The following NRXN1 variants were observed in gnomAD, a reference collection of about 807,000 sequenced individuals.
The protein encoded by NRXN1 is neurexin-1.
A neutral mutation model predicts 150.9 loss-of-function variants in NRXN1; 39 were observed. The ratio of observed to expected loss-of-function variants is 0.26; its 90% confidence interval spans 0.20 to 0.34. The LOEUF (loss-of-function observed/expected upper bound fraction) is 0.34. Ranked by LOEUF, NRXN1 falls within the 10% of genes least tolerant of loss-of-function variation. The pLI is 1.00. For synonymous variants in NRXN1, 924 were observed against 757.0 expected, an observed-to-expected ratio of 1.22 and a Z score of -3.62; for missense variants, 1,815 against 1,949.9, an observed-to-expected ratio of 0.93 and a Z score of 1.30.
At chr2:50,237,254 G>A (rs1559146876) in intron 17 of NRXN1, among the ~76,000 whole-genome samples, 1 of 152,042 alleles carries the variant, frequency 6.6e-6, no homozygotes, top group Non-Finnish European at 1.5e-5. Context: ...AGAACGGAAT[G>A]TAATGAGGCA....
intron 5 of NRXN1, among the ~76,000 whole-genome samples, chr2:50,698,357 A>T (rs966338469): frequency 6.6e-6 from 1 of 152,238 alleles, no homozygotes; most frequent in Non-Finnish European, 1.5e-5. Context: ...ATCACAAAAG[A>T]TTGCCTGCAG....
chr2:50,540,876 G>A (rs925651778), intron 9 of NRXN1, among the ~76,000 whole-genome samples: 3 of 152,100 alleles, frequency 2.0e-5, no homozygotes, highest in Non-Finnish European at 2.9e-5. Flanking sequence ...TGGCCAGGTT[G>A]GTCTTGAATT....
intron 2 of NRXN1, among the ~76,000 whole-genome samples, chr2:50,990,589 T>A (rs1451803893): frequency 6.6e-6 from 1 of 152,070 alleles, no homozygotes; most frequent in Admixed American, 6.6e-5. Flanking sequence ...GGTTCTGTCA[T>A]CAGGTGTAGA....
chr2:50,824,524 G>T (rs969559575), intron 5 of NRXN1, among the ~76,000 whole-genome samples: 1 of 152,186 alleles, frequency 6.6e-6, no homozygotes, highest in South Asian at 2.1e-4. Context: ...TAAAACTCTA[G>T]TATGTATTTG....
chr2:50,613,511 T>G (rs765284371), intron 8 of NRXN1, among the ~76,000 whole-genome samples: 1 of 152,240 alleles, frequency 6.6e-6, no homozygotes, highest in Non-Finnish European at 1.5e-5. Flanking sequence ...GTAGCCACAG[T>G]CAGTCCACTG....
intron 17 of NRXN1, among the ~76,000 whole-genome samples, chr2:50,279,969 G>C (rs976784159): frequency 2.6e-5 from 4 of 152,078 alleles, no homozygotes; most frequent in African/African-American, 7.2e-5. Flanking sequence ...TTAAGAAAAA[G>C]TATTCTATTA....
At chr2:49,926,237 A>C in intron 22 of NRXN1, 2 of 397,790 alleles carry the variant, frequency 5.0e-6, no homozygotes, top group East Asian at 7.1e-5. Flanking sequence ...TCATTTAGCC[A>C]AATGGCTATA....
chr2:51,020,473 A>T (rs1669433495), intron 2 of NRXN1, among the ~76,000 whole-genome samples: 1 of 151,984 alleles, frequency 6.6e-6, no homozygotes, highest in African/African-American at 2.4e-5. Flanking sequence ...AAATACATTT[A>T]AAATGACCCC....
chr2:50,240,547 G>A (rs1008234977), intron 17 of NRXN1, among the ~76,000 whole-genome samples: 1 of 151,660 alleles, frequency 6.6e-6, no homozygotes, highest in Non-Finnish European at 1.5e-5. Context: ...ATGGCTTAAA[G>A]TTTCAAAATC....
intron 5 of NRXN1, among the ~76,000 whole-genome samples, chr2:50,661,513 C>T (rs1169431025): frequency 6.6e-6 from 1 of 152,062 alleles, no homozygotes; most frequent in Non-Finnish European, 1.5e-5. Flanking sequence ...TAATGGCTTC[C>T]ACTTTTCCTT....
Position 50,167,971 on chromosome 2 carries a change from G to C in NRXN1, c.3546+68818C>G, listed in dbSNP as rs535814603. Among the ~76,000 whole-genome samples the C allele has an allele frequency of 2.0e-5, 3 of 152,094 alleles. No individual in the cohort carries two copies. In the East Asian group the frequency reaches 5.8e-4, roughly 29 times the overall value. On this transcript the variant is annotated intron_variant, in intron 18 of 22. Coordinates refer to ENST00000401669, the MANE Select transcript of NRXN1 (RefSeq NM_001330078.2). ...TGAAGTAAAATATCCATGCATATTTGCTCTGAAATAAAAATGTTACAGAAC... is the reference window on the plus strand; with the variant it reads ...TGAAGTAAAATATCCATGCATATTTCCTCTGAAATAAAAATGTTACAGAAC...
At chr2:50,736,118 G>A (rs760397732) in intron 5 of NRXN1, among the ~76,000 whole-genome samples, 2 of 152,028 alleles carry the variant, frequency 1.3e-5, no homozygotes, top group African/African-American at 2.4e-5. Context: ...CAACCCCCCT[G>A]CTTCCCGTAT....
intron 21 of NRXN1, among the ~76,000 whole-genome samples, chr2:50,002,065 G>T (rs967194750): frequency 6.6e-6 from 1 of 151,920 alleles, no homozygotes; most frequent in Non-Finnish European, 1.5e-5. Flanking sequence ...ATGCAAGCTT[G>T]CAAGAGGGCC....
At chr2:49,940,205 C>T (rs1019057705) in intron 22 of NRXN1, among the ~76,000 whole-genome samples, 2 of 152,112 alleles carry the variant, frequency 1.3e-5, no homozygotes, top group Admixed American at 1.3e-4. Context: ...GGTAATGGTG[C>T]ATCTCCTTAC....
intron 5 of NRXN1, among the ~76,000 whole-genome samples, chr2:50,658,411 G>GGTGTGTGTGTGTGTGTGTGTGTGT (rs58970263): frequency 0.021 from 3,104 of 144,660 alleles, 45 homozygotes; most frequent in African/African-American, 0.025. Context: ...TGCATTCACT[G>GGTGTGTGTGTGTGTGTGTGTGTGT]GTGTGTGTGT....
rs534939151 is a variant in NRXN1, at chr2:50,395,043, C to T, written c.3364+70399G>A. Among the ~76,000 whole-genome samples the T allele has an allele frequency of 1.2e-4, 19 of 152,096 alleles. No individual in the cohort carries two copies. In the East Asian group the frequency reaches 2.5e-3, roughly 20 times the overall value. ...TCCTAATATAATCTCCTATTACTTTCTAGCTCACTTTTTCCCATTTCCCTG... is the reference window on the plus strand; with the variant it reads ...TCCTAATATAATCTCCTATTACTTTTTAGCTCACTTTTTCCCATTTCCCTG... On this transcript the variant is annotated intron_variant, in intron 17 of 22. Transcript: ENST00000401669.
intron 5 of NRXN1, among the ~76,000 whole-genome samples, chr2:50,639,324 G>A (rs1016431001): frequency 6.7e-6 from 1 of 149,844 alleles, no homozygotes; most frequent in South Asian, 2.1e-4. Context: ...GGGTTCAAGC[G>A]ATTCTCCTGC....
chr2:50,693,062 C>T (rs1212414511), intron 5 of NRXN1, among the ~76,000 whole-genome samples: 1 of 152,142 alleles, frequency 6.6e-6, no homozygotes, highest in Non-Finnish European at 1.5e-5. Flanking sequence ...GAGAAACTTA[C>T]TGTAAGCCCT....
chr2:49,971,544 TG>T (rs1189239449), intron 21 of NRXN1, among the ~76,000 whole-genome samples: 1 of 152,140 alleles, frequency 6.6e-6, no homozygotes, highest in African/African-American at 2.4e-5. Context: ...CAACCTTGAT[TG>T]TGCAAAGTCA....
Sources: allele counts gnomAD v4.1 joint callset (sites outside exome capture counted in the v4.1 genomes callset), GRCh38; gene constraint gnomAD v4.1.1; transcripts MANE v1.5; gene names NCBI Gene and HGNC (gene_info 2026-07-23, HGNC 2026-07-21).